The following UBA1 variants were observed in gnomAD, a reference collection of about 807,000 sequenced individuals.
The protein encoded by UBA1 is ubiquitin-like modifier-activating enzyme 1.
Under a neutral mutation model 84.7 loss-of-function variants are expected in UBA1, and 4 were observed. The ratio of observed to expected loss-of-function variants is 0.05; its 90% CI spans 0.02 to 0.11. The LOEUF is 0.11. Ranked by LOEUF, UBA1 falls within the 10% of genes least tolerant of loss-of-function variation. The probability of loss-of-function intolerance (pLI) is 1.00; values close to 1 mark genes in which losing one functional copy is unlikely to be tolerated. For missense variants in UBA1, 513 were observed against 902.8 expected (o/e 0.57, Z 5.53); for synonymous variants, 364 against 362.6 (o/e 1.00, Z -0.04).
At chrX:47,203,097 G>A in intron 12 of UBA1, 37 bp from the exon 13 acceptor site, 1 of 1,208,294 alleles carries the variant, frequency 8.3e-7, no homozygotes, top group Non-Finnish European at 1.1e-6. Flanking sequence ...CATTTCTGGG[G>A]AGGCCTCTCT....
intron 9 of UBA1, 27 bp downstream of exon 9, chrX:47,202,280 C>T: frequency 8.3e-7 from 1 of 1,205,092 alleles, no homozygotes; most frequent in Non-Finnish European, 1.1e-6. Flanking sequence ...GATCAGTGGG[C>T]TGTGGGGGGT....
intron 23 of UBA1, 55 bp downstream of exon 23, chrX:47,213,236 G>T: frequency 8.7e-7 from 1 of 1,150,301 alleles, no homozygotes; most frequent in South Asian, 1.9e-5. Flanking sequence ...TGTAGATCTG[G>T]TTCTGATTCA....
rs1556785765 is a variant in UBA1, at chrX:47,197,191, C to T, written c.1-1612C>T. The T allele has an allele frequency of 4.0e-6, 3 of 753,961 alleles. No individual in the cohort carries two copies. The African/African-American group carries it at 6.9e-5, about 17-fold the overall frequency. The allele number at this position is 753,961 out of a possible 1,213,427, so 62.1% of individuals were successfully genotyped here. On this transcript the variant is annotated intron_variant, in intron 1 of 25. Transcript: ENST00000335972. Reference sequence around the variant, plus strand: ...TCCCCTCATCTCCCATTCCTTAGCCCTGTGGACTGGGCCCTGAGCCCAGGG... The same window carrying T: ...TCCCCTCATCTCCCATTCCTTAGCCTTGTGGACTGGGCCCTGAGCCCAGGG...
intron 20 of UBA1, among the ~76,000 whole-genome samples, chrX:47,211,466 C>T (rs187475338): frequency 1.1e-3 from 122 of 111,916 alleles, no homozygotes; most frequent in Non-Finnish European, 1.8e-3. Context: ...TTTACTCTTG[C>T]TCTGTGTATT....
chrX:47,195,054 A>G (rs1936152029), intron 1 of UBA1, among the ~76,000 whole-genome samples: 1 of 111,121 alleles, frequency 9.0e-6, no homozygotes, highest in African/African-American at 3.3e-5. Flanking sequence ...TCTGCCTTCA[A>G]AAACCAACCT....
At chrX:47,196,173 C>G (rs1318139659) in intron 1 of UBA1, among the ~76,000 whole-genome samples, 1 of 111,322 alleles carries the variant, frequency 9.0e-6, no homozygotes, top group Non-Finnish European at 1.9e-5. Flanking sequence ...TGAGTCTTTT[C>G]CTAATACCCT....
rs149441728 is a variant in UBA1 at position 47,203,395 on chromosome X, C to T, written c.1420-146C>T. On this transcript the variant is annotated intron_variant, in intron 13 of 25. Coordinates refer to ENST00000335972, the MANE Select transcript of UBA1 (RefSeq NM_003334.4). ...TGGTGCCTCCTTCCTCACATGACTG[C>T]GTGTCATTTCTTAGAGTCCTGCAAC... The T allele has an allele frequency of 2.0e-3, 1,646 of 828,080 alleles. 11 individuals are homozygous for T. In the African/African-American group the frequency reaches 0.029, roughly 15 times the overall value. 68.2% of individuals were successfully genotyped at this position (828,080 alleles called of 1,213,427 possible). A position where few individuals can be genotyped will look rare whatever the true frequency, so the allele number is the denominator to read the frequency against.
rs781864389 is a variant in UBA1 at position 47,214,875 on chromosome X, C to T, written c.3123C>T (p.Asn1041=). Residue 1041 remains asparagine, a synonymous_variant, in exon 26 of 26, where the codon AAC becomes AAT. Coordinates refer to ENST00000335972, the MANE Select transcript of UBA1 (RefSeq NM_003334.4). ...CGCTGGTGCTTGAGCTGTGCTGTAACGACGAGAGCGGCGAGGATGTCGAGG... is the reference window on the plus strand; with the variant it reads ...CGCTGGTGCTTGAGCTGTGCTGTAATGACGAGAGCGGCGAGGATGTCGAGG... ...VRALVLELCC[N]DESGEDVEVP... The T allele has an allele frequency of 1.5e-5, 18 of 1,210,255 alleles. No homozygotes were observed. The highest frequency in any genetic ancestry group is 2.3e-4 in the Middle Eastern group (1 of 4,375).
Position 47,201,259 on chromosome X carries a change from A to G in UBA1, c.588-17A>G, listed in dbSNP as rs1023719781. On this transcript the variant is annotated splice_polypyrimidine_tract_variant and intron_variant, in intron 6 of 25. Transcript: ENST00000335972. The stretch of plus-strand genomic sequence containing the variant: ...TGCATGGGACACAGGCACCAGCCCT[A>G]TTGCTTCCCTCTACAGGCAGCTCTT... 6 of 1,194,098 alleles carry G rather than the reference A, an allele frequency of 5.0e-6. No homozygotes were observed. The East Asian group carries it at 1.2e-4, about 24-fold the overall frequency.
At chrX:47,211,309 G>A in intron 20 of UBA1, 84 bp downstream of exon 20, 1 of 1,042,446 alleles carries the variant, frequency 9.6e-7, no homozygotes, top group Non-Finnish European at 1.3e-6. Context: ...TCTACCCCTG[G>A]TTCTGCTCTG....
intron 20 of UBA1, 62 bp downstream of exon 20, chrX:47,211,287 C>T: frequency 8.9e-7 from 1 of 1,121,053 alleles, no homozygotes; most frequent in East Asian, 3.0e-5. Context: ...AGTCCAGCCT[C>T]CCCACCAGTC....
At chrX:47,198,230 C>T (rs1556786131) in intron 1 of UBA1, 1 of 981,898 alleles carries the variant, frequency 1.0e-6, no homozygotes, top group Middle Eastern at 3.1e-4. Context: ...CCCTCCTGCA[C>T]TCCCCGCTCC....
chrX:47,202,265 G>A lies in UBA1; in HGVS notation c.909+12G>A, dbSNP rs367556596. 244 of 1,204,812 alleles carry A rather than the reference G, an allele frequency of 2.0e-4. 1 individual carries two copies. In the African/African-American group the frequency reaches 3.6e-3, roughly 18 times the overall value. On this transcript the variant is annotated intron_variant, in intron 9 of 25. Coordinates refer to ENST00000335972, the MANE Select transcript of UBA1 (RefSeq NM_003334.4). ...AGAAGATTAGCTTTGTGAGTGTGTC[G>A]ATGGGATCAGTGGGCTGTGGGGGGT...
At chrX:47,206,700 C>T (rs1307469550) in intron 16 of UBA1, 1 of 403,140 alleles carries the variant, frequency 2.5e-6, no homozygotes, top group Non-Finnish European at 4.4e-6. Flanking sequence ...ACTCAAATAC[C>T]ATTCCTCACC....
chrX:47,198,190 G>A, intron 1 of UBA1: 1 of 975,843 alleles, frequency 1.0e-6, no homozygotes, highest in Middle Eastern at 3.7e-4. Flanking sequence ...CTGCCATCAT[G>A]CCACCCTGAT....
Position 47,211,124 on chromosome X carries a change from C to CAG in UBA1, c.2363_2364insAG (p.Thr789AlafsTer39). 1 of 1,211,928 alleles carries CAG rather than the reference C, an allele frequency of 8.3e-7. No homozygotes were observed. The highest frequency in any genetic ancestry group is 1.1e-6 in the Non-Finnish European group (1 of 895,560). ...GGCTCTCAGGACCGAGCTGCTGTGGCCACATTCCTGCAGTCTGTGCAGGTC... is the reference window on the plus strand; with the variant it reads ...GGCTCTCAGGACCGAGCTGCTGTGGCAGCACATTCCTGCAGTCTGTGCAGGTC... On this transcript the variant is annotated frameshift_variant, in exon 20 of 26. Coordinates refer to ENST00000335972, the MANE Select transcript of UBA1 (RefSeq NM_003334.4). LOFTEE classifies it high-confidence loss of function.
chrX:47,204,051 C>CCTT (rs781882445), intron 14 of UBA1, among the ~76,000 whole-genome samples: 1 of 109,356 alleles, frequency 9.1e-6, no homozygotes, highest in Admixed American at 9.7e-5. Flanking sequence ...CCTCACCCCT[C>CCTT]CTTTTTCTTG....
Position 47,213,291 on chromosome X carries a change from C to T in UBA1, c.2838+110C>T, listed in dbSNP as rs7053477. ...GTGAGGGTTTCTGTCTGTGTACCTA[C>T]CCTTTTTGTGTATCCTTTTTCACTT... is the stretch of plus-strand genomic sequence containing the variant. On this transcript the variant is annotated intron_variant, in intron 23 of 25. Transcript: ENST00000335972. The T allele has an allele frequency of 0.019, 15,519 of 812,724 alleles. 1,514 individuals are homozygous for T. The African/African-American group carries it at 0.28, about 15-fold the overall frequency. The allele number at this position is 812,724 out of a possible 1,213,427, so 67.0% of individuals were successfully genotyped here.
At chrX:47,212,663 A>T in intron 21 of UBA1, 108 bp from the exon 22 acceptor site, 1 of 878,389 alleles carries the variant, frequency 1.1e-6, no homozygotes, top group Non-Finnish European at 1.6e-6. Context: ...GTTCCCAGCC[A>T]TCCCTTTGTG....
Sources: allele counts gnomAD v4.1 joint callset (sites outside exome capture counted in the v4.1 genomes callset), GRCh38; gene constraint gnomAD v4.1.1; transcripts MANE v1.5; gene names NCBI Gene and HGNC (gene_info 2026-07-23, HGNC 2026-07-21).